CFAP46: variants seen among roughly 807,000 people sequenced by gnomAD.
The protein encoded by CFAP46 is cilia- and flagella-associated protein 46.
In CFAP46, 245 loss-of-function variants were observed where a neutral mutation model predicts 325.7. The observed-to-expected ratio is 0.75, with a 90% CI of 0.68 to 0.84. The LOEUF (loss-of-function observed/expected upper bound fraction) is 0.84. Ranked by LOEUF, CFAP46 falls within the 40% of genes least tolerant of loss-of-function variation. CFAP46 has a pLI of 0.00. For synonymous variants in CFAP46, 1,523 were observed against 1,495.9 expected, an observed-to-expected ratio of 1.02 and a Z score of -0.42; for missense variants, 3,346 against 3,543.0, an observed-to-expected ratio of 0.94 and a Z score of 1.41.
chr10:132,809,192 C>T (rs1410518910), intron 57 of CFAP46, among the ~76,000 whole-genome samples: 2 of 152,188 alleles, frequency 1.3e-5, no homozygotes, highest in Non-Finnish European at 2.9e-5. Context: ...GCTGGGGGGG[C>T]GCCCGTCTAG....
intron 19 of CFAP46, among the ~76,000 whole-genome samples, chr10:132,911,983 C>T (rs1459683959): frequency 3.3e-5 from 5 of 152,080 alleles, no homozygotes; most frequent in South Asian, 2.1e-4. Context: ...ATTGTTCTCA[C>T]GTCTGTCGCC....
chr10:132,825,020 CTGTGTGCTGTGTGTGTGGTGA>C (rs1848014239), intron 50 of CFAP46, among the ~76,000 whole-genome samples: 2 of 115,020 alleles, frequency 1.7e-5, no homozygotes, highest in Non-Finnish European at 3.4e-5. Flanking sequence ...GATGTGTGCA[CTGTGTGCTGTGTGTGTGGTGA>C]TGTGTGCTGT....
intron 50 of CFAP46, among the ~76,000 whole-genome samples, chr10:132,825,839 GT>G (rs1848035779): frequency 6.6e-6 from 1 of 152,330 alleles, no homozygotes; most frequent in Non-Finnish European, 1.5e-5. Flanking sequence ...CAAACAGCTG[GT>G]TGGTGAAAAG....
chr10:132,852,866 T>A (rs932524036), intron 39 of CFAP46, among the ~76,000 whole-genome samples: 1 of 152,268 alleles, frequency 6.6e-6, no homozygotes, highest in Non-Finnish European at 1.5e-5. Flanking sequence ...ATTTCTAGCA[T>A]GTAGAAATAT....
intron 22 of CFAP46, among the ~76,000 whole-genome samples, chr10:132,908,164 GGCTGCCTGTGCACA>G (rs1849484774): frequency 6.6e-6 from 1 of 152,242 alleles, no homozygotes; most frequent in African/African-American, 2.4e-5. Context: ...GCAGGACGGA[GGCTGCCTGTGCACA>G]TGGCTGAGGC....
At chr10:132,824,768 GC>G (rs1255468758) in intron 50 of CFAP46, among the ~76,000 whole-genome samples, 2 of 121,706 alleles carry the variant, frequency 1.6e-5, no homozygotes, top group Admixed American at 1.7e-4. Flanking sequence ...GCTGATGTGT[GC>G]TGTATGTTGT....
At chr10:132,868,916 T>C (rs1374045868) in intron 33 of CFAP46, among the ~76,000 whole-genome samples, 1 of 152,256 alleles carries the variant, frequency 6.6e-6, no homozygotes, top group Non-Finnish European at 1.5e-5. Flanking sequence ...AACTCCTGCC[T>C]GAAGGCTGCC....
chr10:132,822,192 A>C (rs61727945), intron 50 of CFAP46, among the ~76,000 whole-genome samples: 1 of 81,170 alleles, frequency 1.2e-5, no homozygotes, highest in Non-Finnish European at 2.3e-5. Context: ...TGATGTGTGC[A>C]CTGTGTGCTG....
At chr10:132,866,791 C>T (rs1192613040) in intron 34 of CFAP46, among the ~76,000 whole-genome samples, 1 of 152,222 alleles carries the variant, frequency 6.6e-6, no homozygotes, top group Admixed American at 6.5e-5. Context: ...GGTGCTCCCA[C>T]GGTAACTGCG....
chr10:132,877,756 C>A lies in CFAP46; in HGVS notation c.4212+125G>T, dbSNP rs1440360550. ...ACAGGCAGGGAAACTGAGGCACAGG[C>A]CATCCCGGGCCCGGCCTCTGCACTG... On this transcript the variant is annotated intron_variant, in intron 30 of 57. Transcript: ENST00000368586. The surrounding 1 kb of genome is among the most constrained non-coding windows in gnomAD (Gnocchi z 5.7). 4 of 986,734 alleles carry A rather than the reference C, an allele frequency of 4.1e-6. No individual in the cohort carries two copies. Among genetic ancestry groups the A allele is most frequent in the Non-Finnish European group, 6.0e-6 (4 of 670,802 alleles). 61.1% of individuals were successfully genotyped at this position (986,734 alleles called of 1,614,324 possible). A position where few individuals can be genotyped will look rare whatever the true frequency, so the allele number is the denominator to read the frequency against.
At chr10:132,920,925 CA>C (rs1402146495) in intron 13 of CFAP46, among the ~76,000 whole-genome samples, 1 of 152,228 alleles carries the variant, frequency 6.6e-6, no homozygotes, top group Admixed American at 6.5e-5. Context: ...GAAGGCAAAA[CA>C]GGTGAGTCTG....
intron 50 of CFAP46, among the ~76,000 whole-genome samples, chr10:132,823,473 T>C (rs1187426347): frequency 4.7e-5 from 6 of 127,812 alleles, no homozygotes; most frequent in African/African-American, 1.9e-4. Flanking sequence ...GCTGTGTGAG[T>C]GCTGATGTGT....
At chr10:132,833,966 G>T in intron 49 of CFAP46, 75 bp downstream of exon 49, 1 of 1,400,402 alleles carries the variant, frequency 7.1e-7, no homozygotes, top group South Asian at 1.2e-5. Context: ...TCCCGGATGG[G>T]TGGGTGGATC....
chr10:132,918,722 G>A (rs1564800626), intron 15 of CFAP46, among the ~76,000 whole-genome samples: 1 of 152,170 alleles, frequency 6.6e-6, no homozygotes, highest in Non-Finnish European at 1.5e-5. Context: ...GGAGGTGGGT[G>A]GAGTGCTGGC....
chr10:132,924,202 G>A (rs535310180), intron 11 of CFAP46, among the ~76,000 whole-genome samples: 3 of 151,492 alleles, frequency 2.0e-5, no homozygotes, highest in African/African-American at 7.3e-5. Context: ...CCTGATGCCT[G>A]CCGCCTGCCT....
In CFAP46 at chr10:132,922,226, T is replaced by G. The variant is rs1429189483; in HGVS notation, c.1486-2A>C. The G allele has an allele frequency of 2.6e-6, 4 of 1,548,684 alleles. No homozygotes were observed. Among genetic ancestry groups the G allele is most frequent in the Non-Finnish European group, 3.5e-6 (4 of 1,145,692 alleles). On this transcript the variant is annotated splice_acceptor_variant, in intron 12 of 57. Coordinates refer to ENST00000368586, the MANE Select transcript of CFAP46 (RefSeq NM_001200049.3). LOFTEE classifies it high-confidence loss of function. ...GTCCTTTGGTGTAGCTTTTTTTGCC[T>G]GTGAAAAGCAGAGACTGATGAGCAA...
chr10:132,818,581 G>A (rs139824430), intron 50 of CFAP46, among the ~76,000 whole-genome samples: 18 of 152,180 alleles, frequency 1.2e-4, no homozygotes, highest in Admixed American at 4.6e-4. Context: ...GGCCAGGTGC[G>A]GTGGTTCATG....
Position 132,847,198 on chromosome 10 carries a change from C to T in CFAP46, c.6076G>A (p.Glu2026Lys), listed in dbSNP as rs753026417. ...AGGGGCAGCCGCACCTTCAGGTCCT[C>T]GCCTCTCCTGCAGTGCTCCTCCGGG... ...AAPEEHCRRGEDLKRRMVLAQ... is the reference protein window; with the variant it reads ...AAPEEHCRRGKDLKRRMVLAQ... The change falls in exon 42 of 58, where the codon GAG becomes AAG. Residue 2026 changes from glutamate (E) to lysine (K), a missense_variant. Coordinates refer to ENST00000368586, the MANE Select transcript of CFAP46 (RefSeq NM_001200049.3). The surrounding 1 kb of genome is among the most constrained non-coding windows in gnomAD (Gnocchi z 5.2). The T allele has an allele frequency of 2.3e-5, 37 of 1,611,996 alleles. No individual in the cohort carries two copies. Among genetic ancestry groups the T allele is most frequent in the Admixed American group, 3.3e-5 (2 of 59,984 alleles).
chr10:132,935,543 CGGCACCCAAACACACTGCG>C (rs1849984214), intron 7 of CFAP46, among the ~76,000 whole-genome samples: 2 of 136,072 alleles, frequency 1.5e-5, no homozygotes, highest in Non-Finnish European at 3.1e-5. Flanking sequence ...TCACTCCCCT[CGGCACCCAAACACACTGCG>C]ATCTTCTCAT....
Sources: allele counts gnomAD v4.1 joint callset (sites outside exome capture counted in the v4.1 genomes callset), GRCh38; gene constraint gnomAD v4.1.1; non-coding constraint Gnocchi (gnomAD v3.1); transcripts MANE v1.5; gene names NCBI Gene and HGNC (gene_info 2026-07-23, HGNC 2026-07-21).